The following SMOC2 variants were observed in gnomAD, a reference collection of about 807,000 sequenced individuals.
SMOC2 encodes the protein SPARC-related modular calcium-binding protein 2.
A neutral mutation model predicts 61.4 loss-of-function variants in SMOC2; 39 were observed. That is an observed-to-expected ratio of 0.64 (90% CI 0.49 to 0.83). SMOC2 has a LOEUF of 0.83. Ranked by LOEUF, SMOC2 falls within the 40% of genes least tolerant of loss-of-function variation. The probability of loss-of-function intolerance (pLI) is 0.00; values close to 1 mark genes in which losing one functional copy is unlikely to be tolerated. For synonymous variants in SMOC2, 247 were observed against 239.9 expected (o/e 1.03, Z -0.27); for missense variants, 556 against 592.9 (o/e 0.94, Z 0.65).
chr6:168,587,433 A>G (rs1785069940), intron 7 of SMOC2, among the ~76,000 whole-genome samples: 1 of 152,196 alleles, frequency 6.6e-6, no homozygotes, highest in Non-Finnish European at 1.5e-5. Flanking sequence ...GCTTGGTTTC[A>G]TGTGTGAGAC....
intron 7 of SMOC2, among the ~76,000 whole-genome samples, chr6:168,589,911 T>G (rs28360673): frequency 4.9e-4 from 16 of 32,748 alleles, no homozygotes; most frequent in African/African-American, 1.5e-3. Context: ...CGGCCTGGTG[T>G]TGGTCAGGTG....
At position 168,495,720 on chromosome 6, in the gene SMOC2, C is replaced by G. The variant is rs113095233; in HGVS notation, c.85-14195C>G. Among the ~76,000 whole-genome samples, 262 of 152,284 alleles carry G rather than the reference C, an allele frequency of 1.7e-3. 3 individuals are homozygous for G. The highest frequency in any genetic ancestry group is 5.9e-3 in the African/African-American group (247 of 41,574). ...CACAGGACACAGGCGTGACCCGGGT[C>G]ACAGGGCTCTGCTAGCTCATGGCTT... On this transcript the variant is annotated intron_variant, in intron 1 of 12. Coordinates refer to ENST00000356284, the MANE Select transcript of SMOC2 (RefSeq NM_001166412.2).
rs1281204554 is a variant in SMOC2 at position 168,475,039 on chromosome 6, C to T, written c.84+33585C>T. On this transcript the variant is annotated intron_variant, in intron 1 of 12. Coordinates refer to ENST00000356284, the MANE Select transcript of SMOC2 (RefSeq NM_001166412.2). The surrounding 1 kb of genome is among the most constrained non-coding windows in gnomAD (Gnocchi z 4.6). ...GAAAGAAGAAAAAAGAATGTAAGGTCGTTGTGGCTGTAGCTTCAGAATAGA... is the reference window on the plus strand; with the variant it reads ...GAAAGAAGAAAAAAGAATGTAAGGTTGTTGTGGCTGTAGCTTCAGAATAGA... Among the ~76,000 whole-genome samples, 2 of 152,116 alleles carry T rather than the reference C, an allele frequency of 1.3e-5. No homozygotes were observed. Among genetic ancestry groups the T allele is most frequent in the Non-Finnish European group, 2.9e-5 (2 of 67,996 alleles).
chr6:168,461,409 C>G (rs1464729908), intron 1 of SMOC2, among the ~76,000 whole-genome samples: 1 of 152,144 alleles, frequency 6.6e-6, no homozygotes, highest in Non-Finnish European at 1.5e-5. Flanking sequence ...GTTGGGTACA[C>G]TCTGAATTGC....
intron 1 of SMOC2, among the ~76,000 whole-genome samples, chr6:168,465,807 T>C (rs9456120): frequency 7.2e-4 from 64 of 88,832 alleles, no homozygotes; most frequent in African/African-American, 2.4e-3. Context: ...CTGGATGAAG[T>C]GAGGTGCTGC....
Position 168,608,161 on chromosome 6 carries a change from G to A in SMOC2, c.829G>A (p.Glu277Lys), listed in dbSNP as rs780524330. Reference protein sequence around the residue: ...RPIPGTSTRYEQPKCDNTARA... With the variant: ...RPIPGTSTRYKQPKCDNTARA... ...CCGCCTTCCCCCCGCCCATAGGTACGAGCAGCCGAAATGTGACAACACGGC... is the reference window on the plus strand; with the variant it reads ...CCGCCTTCCCCCCGCCCATAGGTACAAGCAGCCGAAATGTGACAACACGGC... The change falls in exon 9 of 13, where the codon GAG becomes AAG. Residue 277 changes from glutamate to lysine, a missense_variant. Glu to Lys is a moderately conservative substitution (Grantham distance 56). Transcript: ENST00000356284. 5.6e-6 allele frequency: 9 copies of A among 1,613,476 alleles called. No individual in the cohort carries two copies. The highest frequency in any genetic ancestry group is 2.2e-5 in the East Asian group (1 of 44,836).
At chr6:168,457,118 G>A (rs189638084) in intron 1 of SMOC2, among the ~76,000 whole-genome samples, 2 of 152,292 alleles carry the variant, frequency 1.3e-5, no homozygotes, top group Admixed American at 6.5e-5. Flanking sequence ...CAGGCACAGC[G>A]CGGCCGCCAC....
chr6:168,626,595 A>G (rs1210030267), intron 9 of SMOC2, among the ~76,000 whole-genome samples: 6 of 152,224 alleles, frequency 3.9e-5, no homozygotes, highest in African/African-American at 1.4e-4. Flanking sequence ...ACTGTGGGCC[A>G]CAAAAGGCAA....
chr6:168,526,708 T>G (rs1168322052), intron 3 of SMOC2, among the ~76,000 whole-genome samples: 1 of 152,232 alleles, frequency 6.6e-6, no homozygotes, highest in Non-Finnish European at 1.5e-5. Flanking sequence ...CATTCACACT[T>G]TCATTACTAT....
intron 5 of SMOC2, among the ~76,000 whole-genome samples, chr6:168,545,313 A>G (rs1376919901): frequency 6.6e-6 from 1 of 152,188 alleles, no homozygotes; most frequent in Non-Finnish European, 1.5e-5. Flanking sequence ...AGTTAAGGAA[A>G]GAACACACCC....
chr6:168,592,345 T>A (rs1785205634), intron 7 of SMOC2, among the ~76,000 whole-genome samples: 1 of 142,576 alleles, frequency 7.0e-6, no homozygotes, highest in African/African-American at 2.6e-5. Context: ...ATCTCCGAGC[T>A]CCTCCTCCTT....
At chr6:168,487,048 T>C (rs1293903989) in intron 1 of SMOC2, among the ~76,000 whole-genome samples, 1 of 152,198 alleles carries the variant, frequency 6.6e-6, no homozygotes, top group African/African-American at 2.4e-5. Flanking sequence ...TTAAGTGACA[T>C]GGCCCTCGCT....
chr6:168,472,167 T>G (rs1276067302), intron 1 of SMOC2, among the ~76,000 whole-genome samples: 3 of 152,184 alleles, frequency 2.0e-5, no homozygotes, highest in Admixed American at 6.5e-5. Flanking sequence ...TTCTAGGAAT[T>G]TTATAGTTTT....
rs952195683 is a variant in SMOC2 at position 168,591,313 on chromosome 6, T to C, written c.638-7505T>C. Among the ~76,000 whole-genome samples, 12 of 152,340 alleles carry C rather than the reference T, an allele frequency of 7.9e-5. No individual in the cohort carries two copies. In the East Asian group the frequency reaches 2.3e-3, roughly 29 times the overall value. On this transcript the variant is annotated intron_variant, in intron 7 of 12. Transcript: ENST00000356284. ...GTCAGAGAAGGGAGCACACAGGCAA[T>C]GCTCGTGGAACTAGAAAAGCACAAA...
chr6:168,661,894 G>C (rs1787518593), intron 11 of SMOC2, among the ~76,000 whole-genome samples: 1 of 152,146 alleles, frequency 6.6e-6, no homozygotes, highest in African/African-American at 2.4e-5. Context: ...ACTCATTTTG[G>C]CACTTAGACC....
At chr6:168,608,563 A>C (rs2115204402) in intron 9 of SMOC2, among the ~76,000 whole-genome samples, 1 of 152,340 alleles carries the variant, frequency 6.6e-6, no homozygotes, top group South Asian at 2.1e-4. Flanking sequence ...CACAGCCCAA[A>C]GAACCCTTTA....
intron 9 of SMOC2, among the ~76,000 whole-genome samples, chr6:168,611,700 C>T (rs994700433): frequency 3.5e-5 from 5 of 144,924 alleles, no homozygotes; most frequent in African/African-American, 5.1e-5. Flanking sequence ...TTCCCATGTC[C>T]GGGACCCACC....
chr6:168,585,588 T>C (rs1034031871), intron 7 of SMOC2, among the ~76,000 whole-genome samples: 6 of 152,226 alleles, frequency 3.9e-5, no homozygotes, highest in Non-Finnish European at 8.8e-5. Context: ...AGAGTAGGTT[T>C]CCAGAGTAGC....
intron 7 of SMOC2, among the ~76,000 whole-genome samples, chr6:168,572,957 C>G (rs1466069370): frequency 5.4e-5 from 5 of 91,910 alleles, no homozygotes; most frequent in African/African-American, 1.3e-4. Context: ...GGGCTGCGTG[C>G]TCCTTGGACG....
Sources: allele counts gnomAD v4.1 joint callset (sites outside exome capture counted in the v4.1 genomes callset), GRCh38; gene constraint gnomAD v4.1.1; non-coding constraint Gnocchi (gnomAD v3.1); transcripts MANE v1.5; gene names NCBI Gene and HGNC (gene_info 2026-07-23, HGNC 2026-07-21).